ANO10: variants seen among roughly 807,000 people sequenced by gnomAD.
ANO10 encodes the protein anoctamin 10.
Under a neutral mutation model 74.7 loss-of-function variants are expected in ANO10, and 77 were observed. The observed-to-expected ratio is 1.03, with a 90% CI of 0.86 to 1.25. The LOEUF (loss-of-function observed/expected upper bound fraction) is 1.25. Among genes scored for constraint, ANO10 ranks in the 50% most tolerant of loss-of-function variants. The pLI is 0.00. For missense variants in ANO10, 721 were observed against 778.1 expected (o/e 0.93, Z 0.87); for synonymous variants, 279 against 284.9 (o/e 0.98, Z 0.21).
At chr3:43,436,503 G>T (rs1051766107) in intron 11 of ANO10, among the ~76,000 whole-genome samples, 6 of 152,122 alleles carry the variant, frequency 3.9e-5, no homozygotes, top group Non-Finnish European at 5.9e-5. Context: ...GGTAGGGTGA[G>T]GAGACGGGCA....
At position 43,435,868 on chromosome 3, in the gene ANO10, ATGAATACTTG is replaced by A. The variant is rs2093059005; in HGVS notation, c.1798-3151_1798-3142del. The stretch of plus-strand genomic sequence containing the variant: ...TACCCCTACCCCTAGGCAAATAACA[ATGAATACTTG>A]TGAGTGAGGTGGGAAGACAACACAG... On this transcript the variant is annotated intron_variant, in intron 11 of 12. Coordinates refer to ENST00000292246, the MANE Select transcript of ANO10 (RefSeq NM_018075.5). Among the ~76,000 whole-genome samples the A allele has an allele frequency of 2.0e-5, 3 of 152,226 alleles. No individual in the cohort carries two copies. The South Asian group carries it at 6.2e-4, about 32-fold the overall frequency.
intron 11 of ANO10, among the ~76,000 whole-genome samples, chr3:43,508,942 A>AT (rs2077404775): frequency 9.8e-6 from 1 of 102,228 alleles, no homozygotes; most frequent in East Asian, 3.4e-4. Flanking sequence ...TTAAAGTATA[A>AT]TAAAAAAAAA....
rs1397823330 is a variant in ANO10, at chr3:43,561,203, G to T, written c.1476+17C>A. 8 of 1,612,988 alleles carry T rather than the reference G, an allele frequency of 5.0e-6. No individual in the cohort carries two copies. Among genetic ancestry groups the T allele is most frequent in the Admixed American group, 1.7e-5 (1 of 59,998 alleles). On this transcript the variant is annotated intron_variant, in intron 9 of 12. Coordinates refer to ENST00000292246, the MANE Select transcript of ANO10 (RefSeq NM_018075.5). Reference sequence around the variant, plus strand: ...TCACTCTCAGTAAATGTTTAATTCAGCAATATTCCAACTTACCAAATAAGT... The same window carrying T: ...TCACTCTCAGTAAATGTTTAATTCATCAATATTCCAACTTACCAAATAAGT...
chr3:43,624,618 C>T (rs1162349924), upstream of ANO10, among the ~76,000 whole-genome samples: 1 of 152,136 alleles, frequency 6.6e-6, no homozygotes, highest in Non-Finnish European at 1.5e-5. Flanking sequence ...CAAGCAGATG[C>T]CAGCATCATG....
intron 1 of ANO10, among the ~76,000 whole-genome samples, chr3:43,655,736 T>C (rs1007061257): frequency 7.9e-5 from 12 of 152,074 alleles, no homozygotes; most frequent in Admixed American, 6.5e-4. Flanking sequence ...GATTGGTGCA[T>C]TCACAAACCC....
intron 11 of ANO10, among the ~76,000 whole-genome samples, chr3:43,503,522 C>T (rs962384902): frequency 2.0e-5 from 3 of 152,190 alleles, no homozygotes; most frequent in Admixed American, 2.0e-4. Context: ...CCATCAGAAG[C>T]TTAAGCAGCC....
intron 1 of ANO10, among the ~76,000 whole-genome samples, chr3:43,640,742 A>G (rs1049254009): frequency 2.0e-5 from 3 of 152,252 alleles, no homozygotes; most frequent in African/African-American, 7.2e-5. Flanking sequence ...AAGGTCTCTC[A>G]GAGTCTGAGG....
chr3:43,663,790 A>G (rs1286528793), intron 1 of ANO10, among the ~76,000 whole-genome samples: 1 of 152,218 alleles, frequency 6.6e-6, no homozygotes, highest in Non-Finnish European at 1.5e-5. Flanking sequence ...AATTGCTACT[A>G]AGAGAATAAA....
chr3:43,674,927 G>A (rs2084103706), intron 1 of ANO10, among the ~76,000 whole-genome samples: 1 of 152,188 alleles, frequency 6.6e-6, no homozygotes, highest in Admixed American at 6.5e-5. Flanking sequence ...GGGATTAAAA[G>A]CTGAAAGCTG....
chr3:43,475,832 C>T (rs778212074), intron 11 of ANO10, among the ~76,000 whole-genome samples: 7 of 152,068 alleles, frequency 4.6e-5, no homozygotes, highest in Non-Finnish European at 1.0e-4. Flanking sequence ...GAACTCCTGA[C>T]CTCGAGTGAT....
At chr3:43,439,530 C>G (rs373522627) in intron 11 of ANO10, among the ~76,000 whole-genome samples, 18 of 151,808 alleles carry the variant, frequency 1.2e-4, no homozygotes, top group African/African-American at 4.4e-4. Context: ...ACTTTTAATT[C>G]TAGTATACAC....
intron 12 of ANO10, among the ~76,000 whole-genome samples, chr3:43,392,699 C>T (rs1461477241): frequency 2.0e-5 from 3 of 152,200 alleles, no homozygotes; most frequent in Non-Finnish European, 2.9e-5. Flanking sequence ...TCTTATTAAA[C>T]CTACAAACAA....
rs1056846064 is a variant in ANO10 at position 43,440,874 on chromosome 3, G to C, written c.1798-8147C>G. 5.9e-5 allele frequency among the ~76,000 whole-genome samples: 9 copies of C among 151,994 alleles called. No individual in the cohort carries two copies. In the East Asian group the frequency reaches 1.7e-3, roughly 29 times the overall value. On this transcript the variant is annotated intron_variant, in intron 11 of 12. Transcript: ENST00000292246. ...TATAATTTCTGACCAAAATGGAATG[G>C]AACTAGAAATCAAAAGCAAAAGGAA... is the stretch of plus-strand genomic sequence containing the variant.
intron 12 of ANO10, among the ~76,000 whole-genome samples, chr3:43,387,312 G>A (rs1197432446): frequency 2.0e-5 from 3 of 152,322 alleles, no homozygotes; most frequent in South Asian, 2.1e-4. Context: ...CACACAGTGC[G>A]TGACTGCACT....
intron 1 of ANO10, among the ~76,000 whole-genome samples, chr3:43,616,656 G>A (rs11130007): frequency 0.98 from 149,417 of 152,304 alleles, 73,314 homozygotes; most frequent in East Asian, 1. Context: ...GCAGTGACAC[G>A]GTCCACAGTA....
intron 11 of ANO10, among the ~76,000 whole-genome samples, chr3:43,433,484 T>A (rs1000188628): frequency 3.9e-5 from 6 of 152,210 alleles, no homozygotes; most frequent in African/African-American, 1.4e-4. Flanking sequence ...ATGAATCCTC[T>A]AATCCCATAG....
intron 2 of ANO10, among the ~76,000 whole-genome samples, chr3:43,601,892 G>A (rs2082350189): frequency 6.6e-6 from 1 of 152,190 alleles, no homozygotes; most frequent in South Asian, 2.1e-4. Context: ...AAGACAATCT[G>A]CTTTGAAGAA....
At chr3:43,403,764 T>A (rs186352793) in intron 12 of ANO10, among the ~76,000 whole-genome samples, 3 of 152,372 alleles carry the variant, frequency 2.0e-5, no homozygotes, top group East Asian at 1.9e-4. Context: ...TATCACCCGA[T>A]TCCTACTGGA....
rs751455876 is a variant in ANO10 at position 43,466,392 on chromosome 3, C to CAAA, written c.1798-33668_1798-33666dup. 5.8e-3 allele frequency among the ~76,000 whole-genome samples: 722 copies of CAAA among 124,790 alleles called. 13 individuals carry two copies. The highest frequency in any genetic ancestry group is 0.013 in the African/African-American group (445 of 33,176). 81.9% of individuals were successfully genotyped at this position (124,790 alleles called of 152,430 possible). ...CTCAAAAAAAAAAAAAAAAAACAAA[C>CAAA]AAAAAAACCAGTAATCAACACATAA... is the stretch of plus-strand genomic sequence containing the variant. On this transcript the variant is annotated intron_variant, in intron 11 of 12. Coordinates refer to ENST00000292246, the MANE Select transcript of ANO10 (RefSeq NM_018075.5).
Sources: gnomAD v4.1 joint callset for allele counts (sites outside exome capture counted in the v4.1 genomes callset) on GRCh38, gnomAD v4.1.1 for gene constraint, MANE v1.5 for transcripts, NCBI Gene and HGNC (gene_info 2026-07-23, HGNC 2026-07-21) for gene names.